SPMIP2: variants seen among roughly 807,000 people sequenced by gnomAD.
SPMIP2 encodes protein SPMIP2.
chr4:159,064,805 C>CT, the SPMIP2 span, among the ~76,000 whole-genome samples: 1 of 152,144 alleles, frequency 6.6e-6, no homozygotes, highest in East Asian at 1.9e-4. Flanking sequence ...TCCATTGAGA[C>CT]TACTGTCTGT....
chr4:158,929,156 A>C, the SPMIP2 span, among the ~76,000 whole-genome samples: 2 of 152,220 alleles, frequency 1.3e-5, no homozygotes, highest in African/African-American at 4.8e-5. Context: ...TTAGGACTAC[A>C]GGTGCATGTC....
At chr4:158,949,428 G>A in the SPMIP2 span, among the ~76,000 whole-genome samples, 4 of 152,186 alleles carry the variant, frequency 2.6e-5, no homozygotes, top group African/African-American at 9.7e-5. Flanking sequence ...ACAATCCAGT[G>A]GAGTAGATTC....
chr4:159,078,700 A>C, the SPMIP2 span, among the ~76,000 whole-genome samples: 3 of 152,232 alleles, frequency 2.0e-5, no homozygotes, highest in African/African-American at 7.2e-5. Flanking sequence ...TGTAAGGAAA[A>C]GCAGGAAGTA....
At chr4:158,960,349 A>G in the SPMIP2 span, 5 of 1,513,816 alleles carry the variant, frequency 3.3e-6, no homozygotes, top group Non-Finnish European at 4.5e-6. Context: ...TTCATACTGT[A>G]AAAGGAAGAA....
chr4:159,008,466 G>C, the SPMIP2 span, among the ~76,000 whole-genome samples: 2 of 152,164 alleles, frequency 1.3e-5, no homozygotes, highest in African/African-American at 4.8e-5. Flanking sequence ...CAACTCAGGA[G>C]GCTAAGGCAG....
At chr4:159,035,550 G>A in the SPMIP2 span, among the ~76,000 whole-genome samples, 1 of 152,104 alleles carries the variant, frequency 6.6e-6, no homozygotes, top group Non-Finnish European at 1.5e-5. Flanking sequence ...ACACTGGCAA[G>A]ATAAAATACA....
chr4:158,914,193 C>A, the SPMIP2 span, among the ~76,000 whole-genome samples: 1 of 152,220 alleles, frequency 6.6e-6, no homozygotes, highest in Non-Finnish European at 1.5e-5. Context: ...CTCCTCCACA[C>A]ACACTGCAAT....
At chr4:158,976,490 CA>C in the SPMIP2 span, among the ~76,000 whole-genome samples, 1 of 151,900 alleles carries the variant, frequency 6.6e-6, no homozygotes, top group Non-Finnish European at 1.5e-5. Context: ...GTGGTTTTAG[CA>C]TGAAGGGGGG....
At chr4:158,984,188 T>A in the SPMIP2 span, among the ~76,000 whole-genome samples, 197 of 40,946 alleles carry the variant, frequency 4.8e-3, 1 homozygote, top group Admixed American at 0.033. Context: ...TCCCACACAA[T>A]AATAATGGGA....
the SPMIP2 span, chr4:159,064,479 T>C: frequency 2.0e-5 from 3 of 152,140 alleles, no homozygotes; most frequent in East Asian, 5.8e-4. Flanking sequence ...ATTTCCGATG[T>C]CAGTAATATT....
chr4:159,004,968 C>T, the SPMIP2 span, among the ~76,000 whole-genome samples: 1 of 152,070 alleles, frequency 6.6e-6, no homozygotes, highest in Admixed American at 6.6e-5. Context: ...CACGGTGGCT[C>T]ACACCTGTAA....
At chr4:159,040,903 T>C in the SPMIP2 span, among the ~76,000 whole-genome samples, 3 of 152,206 alleles carry the variant, frequency 2.0e-5, no homozygotes, top group Admixed American at 6.5e-5. Context: ...ATGAGAATCA[T>C]TGTGCCTACC....
the SPMIP2 span, among the ~76,000 whole-genome samples, chr4:158,985,063 C>A: frequency 1.4e-5 from 2 of 147,126 alleles, no homozygotes; most frequent in African/African-American, 2.5e-5. Flanking sequence ...GACACATACA[C>A]CCTCCCAAGA....
the SPMIP2 span, among the ~76,000 whole-genome samples, chr4:158,989,870 A>C: frequency 8.5e-5 from 13 of 152,222 alleles, no homozygotes; most frequent in Non-Finnish European, 1.6e-4. Context: ...ACAAAAGCCA[A>C]AATTGACAAA....
At chr4:158,964,058 G>A in the SPMIP2 span, among the ~76,000 whole-genome samples, 2 of 152,162 alleles carry the variant, frequency 1.3e-5, no homozygotes, top group Middle Eastern at 6.8e-3. Context: ...GAGAGGCTGG[G>A]GCAGGAGAAT....
the SPMIP2 span, among the ~76,000 whole-genome samples, chr4:159,066,024 T>C: frequency 6.6e-6 from 1 of 152,220 alleles, no homozygotes; most frequent in Non-Finnish European, 1.5e-5. Flanking sequence ...TCCCTCATTG[T>C]TCACTTCTTT....
chr4:158,978,681 T>C, the SPMIP2 span, among the ~76,000 whole-genome samples: 1,634 of 152,326 alleles, frequency 0.011, 18 homozygotes, highest in Middle Eastern at 0.048. Flanking sequence ...TGCCCTTCTT[T>C]GTCTTTTTTG....
chr4:159,035,153 A>T, the SPMIP2 span: 1 of 1,412,810 alleles, frequency 7.1e-7, no homozygotes, highest in South Asian at 1.2e-5. Context: ...CAAATCAGTT[A>T]AGCTGCACCA....
At chr4:158,926,409 C>T in the SPMIP2 span, among the ~76,000 whole-genome samples, 1 of 151,982 alleles carries the variant, frequency 6.6e-6, no homozygotes, top group African/African-American at 2.4e-5. Context: ...AAAATATTTT[C>T]TAATTCCCTT....
Sources: gnomAD v4.1 joint callset for allele counts (sites outside exome capture counted in the v4.1 genomes callset) on GRCh38, gnomAD v4.1.1 for gene constraint, MANE v1.5 for transcripts, NCBI Gene and HGNC (gene_info 2026-07-23, HGNC 2026-07-21) for gene names.